KCNJ8: variants seen among roughly 807,000 people sequenced by gnomAD.
KCNJ8 encodes ATP-sensitive inward rectifier potassium channel 8.
In KCNJ8, 13 loss-of-function variants were observed where a neutral mutation model predicts 28.2. The ratio of observed to expected loss-of-function variants is 0.46; its 90% CI spans 0.30 to 0.73. The LOEUF (loss-of-function observed/expected upper bound fraction) is 0.73. KCNJ8 is among the 30% of genes least tolerant of loss of function. KCNJ8 has a pLI of 0.07. For missense variants in KCNJ8, 284 were observed against 542.6 expected, an observed-to-expected ratio of 0.52 and a Z score of 4.73; for synonymous variants, 188 against 195.9, an observed-to-expected ratio of 0.96 and a Z score of 0.34.
At position 21,769,314 on chromosome 12, in the gene KCNJ8, A is replaced by G. The variant is rs146664661; in HGVS notation, c.375-2691T>C. On this transcript the variant is annotated intron_variant, in intron 2 of 2. Coordinates refer to ENST00000240662, the MANE Select transcript of KCNJ8 (RefSeq NM_004982.4). ...AGCATATCTGTCTGCAGCATGATTTATTAAATATTTGAAGCCCACTGCTGA... is the reference window on the plus strand; with the variant it reads ...AGCATATCTGTCTGCAGCATGATTTGTTAAATATTTGAAGCCCACTGCTGA... Among the ~76,000 whole-genome samples, 109 of 152,316 alleles carry G rather than the reference A, an allele frequency of 7.2e-4. 1 individual carries two copies. The highest frequency in any genetic ancestry group is 2.4e-3 in the African/African-American group (99 of 41,566).
At chr12:21,768,056 G>C (rs1455621258) in intron 2 of KCNJ8, among the ~76,000 whole-genome samples, 2 of 151,912 alleles carry the variant, frequency 1.3e-5, no homozygotes, top group Non-Finnish European at 2.9e-5. Context: ...GGGTGTGTGT[G>C]GGGGGAAATG....
chr12:21,765,536 A>G lies in KCNJ8; in HGVS notation c.*187T>C. 1.6e-6 allele frequency: 1 copy of G among 643,194 alleles called. No homozygotes were observed. The highest frequency in any genetic ancestry group is 2.4e-5 in the Admixed American group (1 of 41,384). 39.8% of individuals were successfully genotyped at this position (643,194 alleles called of 1,614,324 possible). On this transcript the variant is annotated 3_prime_UTR_variant, in exon 3 of 3. Coordinates refer to ENST00000240662, the MANE Select transcript of KCNJ8 (RefSeq NM_004982.4). The stretch of plus-strand genomic sequence containing the variant: ...TACATGTATGAAACAAGCATAAGCC[A>G]TGAATCCTCCACTTGGTGTGTTACT...
intron 2 of KCNJ8, among the ~76,000 whole-genome samples, chr12:21,772,747 T>C (rs1412975016): frequency 6.6e-6 from 1 of 152,228 alleles, no homozygotes; most frequent in Non-Finnish European, 1.5e-5. Flanking sequence ...TTTTAGTAGA[T>C]TTTTAATCTA....
intron 2 of KCNJ8, among the ~76,000 whole-genome samples, chr12:21,771,333 A>G (rs1360710527): frequency 6.6e-6 from 1 of 152,234 alleles, no homozygotes; most frequent in African/African-American, 2.4e-5. Flanking sequence ...GACACTTGCT[A>G]TGCTAAACAA....
At position 21,773,108 on chromosome 12, in the gene KCNJ8, T is replaced by A; in HGVS notation, c.374+135A>T. The A allele has an allele frequency of 9.6e-7, 1 of 1,045,072 alleles. No individual in the cohort carries two copies. The highest frequency in any genetic ancestry group is 1.3e-5 in the South Asian group (1 of 74,830). 64.7% of individuals were successfully genotyped at this position (1,045,072 alleles called of 1,614,324 possible). On this transcript the variant is annotated intron_variant, in intron 2 of 2. Transcript: ENST00000240662. This position sits in a 1 kb window ranked among gnomAD's most constrained non-coding sequence, Gnocchi z 4.6. The stretch of plus-strand genomic sequence containing the variant: ...TGTTAGGTGTTGTTCTTTATTGTGC[T>A]TTTTTGTTTCTGAAGATTCTAAAAC...
In KCNJ8 at chr12:21,766,917, A is replaced by G. The variant is rs1940638818; in HGVS notation, c.375-294T>C. Among the ~76,000 whole-genome samples the G allele has an allele frequency of 6.6e-6, 1 of 152,214 alleles. No individual in the cohort carries two copies. Among genetic ancestry groups the G allele is most frequent in the African/African-American group, 2.4e-5 (1 of 41,454 alleles). On this transcript the variant is annotated intron_variant, in intron 2 of 2. Coordinates refer to ENST00000240662, the MANE Select transcript of KCNJ8 (RefSeq NM_004982.4). This position sits in a 1 kb window ranked among gnomAD's most constrained non-coding sequence, Gnocchi z 6.5. Reference sequence around the variant, plus strand: ...TTAATGTTTCATAGGTCACATAGTGATGGGCCTAATTTGTGTAAAAGATTA... The same window carrying G: ...TTAATGTTTCATAGGTCACATAGTGGTGGGCCTAATTTGTGTAAAAGATTA...
rs1207339912 is a variant in KCNJ8 at position 21,766,871 on chromosome 12, C to A, written c.375-248G>T. ...TTAATTAAGTTCCCTTAAGCTAAGG[C>A]CTAATTCTATTAACATTCTATTAAT... On this transcript the variant is annotated intron_variant, in intron 2 of 2. Coordinates refer to ENST00000240662, the MANE Select transcript of KCNJ8 (RefSeq NM_004982.4). The surrounding 1 kb of genome is among the most constrained non-coding windows in gnomAD (Gnocchi z 6.5). Among the ~76,000 whole-genome samples the A allele has an allele frequency of 6.6e-6, 1 of 152,138 alleles. No homozygotes were observed. Among genetic ancestry groups the A allele is most frequent in the Non-Finnish European group, 1.5e-5 (1 of 68,012 alleles).
In KCNJ8 at chr12:21,765,136, T is replaced by C. The variant is rs1224531032; in HGVS notation, c.*587A>G. 6.1e-6 allele frequency: 1 copy of C among 164,612 alleles called. No individual in the cohort carries two copies. Among genetic ancestry groups the C allele is most frequent in the Non-Finnish European group, 1.3e-5 (1 of 75,558 alleles). The allele number at this position is 164,612 out of a possible 1,614,324, so 10.2% of individuals were successfully genotyped here. ...CTCTGCCCAACAGGCCGCAATGAGA[T>C]GGACCAGGAAACCTTCAGGAGTCAC... is the stretch of plus-strand genomic sequence containing the variant. On this transcript the variant is annotated 3_prime_UTR_variant, in exon 3 of 3. Coordinates refer to ENST00000240662, the MANE Select transcript of KCNJ8 (RefSeq NM_004982.4).
At position 21,773,640 on chromosome 12, in the gene KCNJ8, A is replaced by G; in HGVS notation, c.-24T>C. 1 of 1,609,896 alleles carries G rather than the reference A, an allele frequency of 6.2e-7. No homozygotes were observed. The highest frequency in any genetic ancestry group is 8.5e-7 in the Non-Finnish European group (1 of 1,179,986). ...ATCGTCCTGTCACCATAGCCAGCTT[A>G]GCCACCTCCCTCTCACCTGCCTCTC... On this transcript the variant is annotated 5_prime_UTR_variant, in exon 2 of 3. Coordinates refer to ENST00000240662, the MANE Select transcript of KCNJ8 (RefSeq NM_004982.4). This position sits in a 1 kb window ranked among gnomAD's most constrained non-coding sequence, Gnocchi z 4.6.
At chr12:21,767,322 CACCT>C (rs1219940819) in intron 2 of KCNJ8, among the ~76,000 whole-genome samples, 67 of 106,154 alleles carry the variant, frequency 6.3e-4, no homozygotes, top group Middle Eastern at 4.3e-3. Context: ...CCCCCCCCCC[CACCT>C]CCAGGCCAGG....
chr12:21,768,313 T>C (rs764333064), intron 2 of KCNJ8, among the ~76,000 whole-genome samples: 6 of 152,182 alleles, frequency 3.9e-5, no homozygotes, highest in South Asian at 4.1e-4. Flanking sequence ...AGCCCAAGGA[T>C]TGGGAACCCC....
intron 2 of KCNJ8, among the ~76,000 whole-genome samples, chr12:21,767,079 T>G (rs555306867): frequency 2.0e-5 from 3 of 152,318 alleles, no homozygotes; most frequent in African/African-American, 7.2e-5. Context: ...ACTTGAGTCA[T>G]ATGGAAGGTA....
rs1940817257 is a variant in KCNJ8, at chr12:21,773,731, T to C, written c.-70-45A>G. On this transcript the variant is annotated intron_variant, in intron 1 of 2. Transcript: ENST00000240662. The surrounding 1 kb of genome is among the most constrained non-coding windows in gnomAD (Gnocchi z 4.6). ...ATTAAAAACTTAAAAACCCACCCTATCCTCACCTCTTGGGTCCTTGTATTC... is the reference window on the plus strand; with the variant it reads ...ATTAAAAACTTAAAAACCCACCCTACCCTCACCTCTTGGGTCCTTGTATTC... 1 of 1,404,294 alleles carries C rather than the reference T, an allele frequency of 7.1e-7. No individual in the cohort carries two copies. Among genetic ancestry groups the C allele is most frequent in the Non-Finnish European group, 9.9e-7 (1 of 1,006,318 alleles). The allele number at this position is 1,404,294 out of a possible 1,614,324, so 87.0% of individuals were successfully genotyped here. A position where few individuals can be genotyped will look rare whatever the true frequency, so the allele number is the denominator to read the frequency against.
In KCNJ8 at chr12:21,773,497, G is replaced by A. The variant is rs764406183; in HGVS notation, c.120C>T (p.Ser40=). 7.4e-6 allele frequency: 12 copies of A among 1,614,260 alleles called. No individual in the cohort carries two copies. Among genetic ancestry groups the A allele is most frequent in the Admixed American group, 3.3e-5 (2 of 60,030 alleles). The change falls in exon 2 of 3, where the codon AGC becomes AGT. Residue 40 remains serine, a synonymous_variant. Coordinates refer to ENST00000240662, the MANE Select transcript of KCNJ8 (RefSeq NM_004982.4). This position sits in a 1 kb window ranked among gnomAD's most constrained non-coding sequence, Gnocchi z 4.6. ...RLPKARFIAK[S]GACNLAHKNI... The stretch of plus-strand genomic sequence containing the variant: ...TCTTATGCGCCAGGTTGCAGGCCCC[G>A]CTCTTGGCGATGAAGCGGGCTTTGG...
chr12:21,773,267 G>A lies in KCNJ8; in HGVS notation c.350C>T (p.Ser117Phe). 6.2e-7 allele frequency: 1 copy of A among 1,613,630 alleles called. No homozygotes were observed. The highest frequency in any genetic ancestry group is 8.5e-7 in the Non-Finnish European group (1 of 1,180,020). ...KSGMEKSGLE[S>F]TVCVTNVRSF... ...CCTGACATTAGTCACACACACAGTG[G>A]ACTCCAAACCACTTTTCTCCATTCC... Residue 117 changes from serine to phenylalanine, a missense_variant, in exon 2 of 3, where the codon TCC becomes TTC. Ser to Phe is a radical substitution (Grantham distance 155). This residue lies in a region of KCNJ8 where 42 missense variants were observed against 50.9 expected (regional missense o/e 0.83). Coordinates refer to ENST00000240662, the MANE Select transcript of KCNJ8 (RefSeq NM_004982.4). This position sits in a 1 kb window ranked among gnomAD's most constrained non-coding sequence, Gnocchi z 4.6.
Position 21,765,103 on chromosome 12 carries a change from T to G in KCNJ8, c.*620A>C, listed in dbSNP as rs1940586848. The G allele has an allele frequency of 6.3e-6, 1 of 158,004 alleles. No individual in the cohort carries two copies. The highest frequency in any genetic ancestry group is 2.4e-5 in the African/African-American group (1 of 41,482). The allele number at this position is 158,004 out of a possible 1,614,324, so 9.8% of individuals were successfully genotyped here. On this transcript the variant is annotated 3_prime_UTR_variant, in exon 3 of 3. Transcript: ENST00000240662. ...GACTTAGCTTTCCTTCAAAGACACC[T>G]TGTCCAGCTCTGCCCAACAGGCCGC...
chr12:21,774,678 C>G lies in KCNJ8; in HGVS notation c.-203G>C, dbSNP rs1345569726. 6.6e-6 allele frequency: 1 copy of G among 152,146 alleles called. No individual in the cohort carries two copies. The highest frequency in any genetic ancestry group is 2.4e-5 in the African/African-American group (1 of 41,390). The allele number at this position is 152,146 out of a possible 1,614,324, so 9.4% of individuals were successfully genotyped here. On this transcript the variant is annotated 5_prime_UTR_variant, in exon 1 of 3. Coordinates refer to ENST00000240662, the MANE Select transcript of KCNJ8 (RefSeq NM_004982.4). ...GGCCGGAGGGACAAATTGGGGGCTG[C>G]GTGTCCTAAGGAGAAGAGTTAAAAT...
Position 21,773,221 on chromosome 12 carries a change from C to T in KCNJ8, c.374+22G>A. 2 of 1,611,624 alleles carry T rather than the reference C, an allele frequency of 1.2e-6. 1 individual carries two copies. The highest frequency in any genetic ancestry group is 4.5e-5 in the East Asian group (2 of 44,880). On this transcript the variant is annotated intron_variant, in intron 2 of 2. Coordinates refer to ENST00000240662, the MANE Select transcript of KCNJ8 (RefSeq NM_004982.4). The surrounding 1 kb of genome is among the most constrained non-coding windows in gnomAD (Gnocchi z 4.6). ...TTTTCTCTACTGTTTTCAACCCCTG[C>T]CTCATCCCACTACATTCTTACCTGA...
rs74069147 is a variant in KCNJ8, at chr12:21,767,081, T to C, written c.375-458A>G. 5.9e-3 allele frequency among the ~76,000 whole-genome samples: 906 copies of C among 152,314 alleles called. 14 individuals carry two copies. The highest frequency in any genetic ancestry group is 0.02 in the African/African-American group (849 of 41,576). ...CTATGTTTAGGAGACTTGAGTCATA[T>C]GGAAGGTACTGAGTACTGAGTGAAT... On this transcript the variant is annotated intron_variant, in intron 2 of 2. Transcript: ENST00000240662.
Sources: allele counts gnomAD v4.1 joint callset (sites outside exome capture counted in the v4.1 genomes callset), GRCh38; gene constraint gnomAD v4.1.1; regional missense constraint gnomAD v4.1.1; non-coding constraint Gnocchi (gnomAD v3.1); transcripts MANE v1.5; gene names NCBI Gene and HGNC (gene_info 2026-07-23, HGNC 2026-07-21).